Variants in MEOX2 observed in about 807,000 individuals in gnomAD.
MEOX2 encodes the protein homeobox protein MOX-2.
In MEOX2, 11 loss-of-function variants were observed where a neutral mutation model predicts 27.0. That is an observed-to-expected ratio of 0.41 (90% CI 0.26 to 0.68). The LOEUF (loss-of-function observed/expected upper bound fraction) is 0.68. Ranked by LOEUF, MEOX2 falls within the 30% of genes least tolerant of loss-of-function variation. The probability of loss-of-function intolerance (pLI) is 0.33; values close to 1 mark genes in which losing one functional copy is unlikely to be tolerated. For synonymous variants in MEOX2, 189 were observed against 155.4 expected (o/e 1.22, Z -1.61); for missense variants, 436 against 385.4 (o/e 1.13, Z -1.10).
chr7:15,654,861 ACTGT>A (rs1781793982), intron 1 of MEOX2, among the ~76,000 whole-genome samples: 1 of 151,492 alleles, frequency 6.6e-6, no homozygotes, highest in Non-Finnish European at 1.5e-5. Context: ...TGTTATACTG[ACTGT>A]CTGCTTTTGA....
intron 2 of MEOX2, among the ~76,000 whole-genome samples, chr7:15,615,938 A>C (rs2115353133): frequency 6.6e-6 from 1 of 151,966 alleles, no homozygotes; most frequent in South Asian, 2.1e-4. Context: ...TCAGTATAAA[A>C]CCTGTTATGG....
At chr7:15,637,673 C>T (rs1781502630) in intron 1 of MEOX2, among the ~76,000 whole-genome samples, 1 of 152,026 alleles carries the variant, frequency 6.6e-6, no homozygotes, top group South Asian at 2.1e-4. Context: ...AATTATAGCT[C>T]TATAACTTGT....
At chr7:15,636,645 T>G (rs1288708104) in intron 1 of MEOX2, among the ~76,000 whole-genome samples, 1 of 152,108 alleles carries the variant, frequency 6.6e-6, no homozygotes, top group Non-Finnish European at 1.5e-5. Flanking sequence ...AATTCAATTA[T>G]ACATGCCATA....
intron 2 of MEOX2, among the ~76,000 whole-genome samples, chr7:15,615,250 T>C (rs994112516): frequency 1.3e-5 from 2 of 152,100 alleles, no homozygotes; most frequent in Non-Finnish European, 2.9e-5. Context: ...ATGATAAAGT[T>C]GAGGTAAAGG....
At position 15,662,038 on chromosome 7, in the gene MEOX2, C is replaced by A. The variant is rs192785302; in HGVS notation, c.517+23848G>T. Among the ~76,000 whole-genome samples, 3 of 151,762 alleles carry A rather than the reference C, an allele frequency of 2.0e-5. No homozygotes were observed. The East Asian group carries it at 5.8e-4, about 30-fold the overall frequency. On this transcript the variant is annotated intron_variant, in intron 1 of 2. Transcript: ENST00000262041. ...ATCTGAAGCAAGTCCATCCTTACAC[C>A]CTGGAATTAAAATGAAAAAGATCAG...
intron 1 of MEOX2, among the ~76,000 whole-genome samples, chr7:15,646,686 G>A (rs765124524): frequency 2.0e-5 from 3 of 151,832 alleles, no homozygotes; most frequent in Non-Finnish European, 1.5e-5. Context: ...TCCATAATTC[G>A]TAATTACATT....
At chr7:15,627,636 T>C (rs1005276253) in intron 1 of MEOX2, among the ~76,000 whole-genome samples, 5 of 152,052 alleles carry the variant, frequency 3.3e-5, no homozygotes, top group Non-Finnish European at 5.9e-5. Flanking sequence ...TCAAATCTTA[T>C]AATGCAGTGT....
At chr7:15,671,821 C>T (rs1263627823) in intron 1 of MEOX2, among the ~76,000 whole-genome samples, 2 of 152,100 alleles carry the variant, frequency 1.3e-5, no homozygotes, top group Non-Finnish European at 2.9e-5. Flanking sequence ...CTTTGGGAGA[C>T]CACGAAGTGC....
At position 15,686,121 on chromosome 7, in the gene MEOX2, G is replaced by A; in HGVS notation, c.282C>T (p.Leu94=). 1.3e-6 allele frequency: 2 copies of A among 1,583,078 alleles called. No homozygotes were observed. Among genetic ancestry groups the A allele is most frequent in the Non-Finnish European group, 1.7e-6 (2 of 1,165,272 alleles). The change falls in exon 1 of 3, where the codon CTC becomes CTT. Residue 94 remains leucine (L), a synonymous_variant. Transcript: ENST00000262041. ...QHQALQTNWH[L]PQMSSPPSAA... ...CACTCGGTGGGGAAGACATCTGCGG[G>A]AGGTGCCAGTTGGTTTGCAGAGCCT...
At chr7:15,640,024 CATT>C (rs1365484618) in intron 1 of MEOX2, among the ~76,000 whole-genome samples, 2 of 152,012 alleles carry the variant, frequency 1.3e-5, no homozygotes. Flanking sequence ...TGAAAAATGA[CATT>C]AGTAGTTTAA....
At position 15,685,965 on chromosome 7, in the gene MEOX2, C is replaced by T. The variant is rs563305943; in HGVS notation, c.438G>A (p.Pro146=). The T allele has an allele frequency of 8.7e-6, 14 of 1,611,152 alleles. No homozygotes were observed. The highest frequency in any genetic ancestry group is 5.5e-5 in the South Asian group (5 of 91,022). The stretch of plus-strand genomic sequence containing the variant: ...ACAGTGCCTGGCGGCCGTAGTCCCC[C>T]GGCGCGCACGCGGCCCCAGTCGGGG... ...SSTPTGAACA[P]GDYGRQALSP... is the part of the protein sequence containing the mutation. Residue 146 remains proline (P), a synonymous_variant, in exon 1 of 3, where the codon CCG becomes CCA. Transcript: ENST00000262041.
chr7:15,686,585 T>C lies in MEOX2; in HGVS notation c.-183A>G, dbSNP rs975879035. 4.8e-6 allele frequency: 3 copies of C among 619,002 alleles called. No individual in the cohort carries two copies. The highest frequency in any genetic ancestry group is 2.1e-5 in the South Asian group (1 of 47,878). 38.3% of individuals were successfully genotyped at this position (619,002 alleles called of 1,614,324 possible). A position where few individuals can be genotyped will look rare whatever the true frequency, so the allele number is the denominator to read the frequency against. ...GCCCCAGCGGCCAGTCTCCTTTACA[T>C]ATGAACAGTCGGACCTGGAAGAGCT... On this transcript the variant is annotated 5_prime_UTR_variant, in exon 1 of 3. In the 5' UTR this introduces an upstream ATG that the reference lacks. Coordinates refer to ENST00000262041, the MANE Select transcript of MEOX2 (RefSeq NM_005924.5).
At chr7:15,630,949 C>G (rs942601575) in intron 1 of MEOX2, among the ~76,000 whole-genome samples, 11 of 151,900 alleles carry the variant, frequency 7.2e-5, no homozygotes, top group African/African-American at 2.7e-4. Flanking sequence ...CTTAAATCCT[C>G]TTGCCAATCC....
intron 1 of MEOX2, among the ~76,000 whole-genome samples, chr7:15,655,694 A>G (rs1321444197): frequency 6.6e-6 from 1 of 151,656 alleles, no homozygotes; most frequent in African/African-American, 2.4e-5. Flanking sequence ...TTCTAGTTTA[A>G]TTTCAATTTG....
intron 1 of MEOX2, among the ~76,000 whole-genome samples, chr7:15,639,595 G>C (rs1411203662): frequency 2.0e-5 from 3 of 151,658 alleles, no homozygotes; most frequent in Non-Finnish European, 2.9e-5. Flanking sequence ...TTATAGTTTT[G>C]GGTCTTATGT....
intron 1 of MEOX2, among the ~76,000 whole-genome samples, chr7:15,629,975 C>T (rs1250725990): frequency 6.6e-6 from 1 of 152,018 alleles, no homozygotes; most frequent in Non-Finnish European, 1.5e-5. Context: ...CTCCCATATC[C>T]TATGCCAAAT....
At chr7:15,645,981 C>T (rs867980782) in intron 1 of MEOX2, among the ~76,000 whole-genome samples, 6 of 151,968 alleles carry the variant, frequency 3.9e-5, no homozygotes, top group African/African-American at 1.4e-4. Context: ...TAAGTAGATG[C>T]CTAATACTCA....
chr7:15,644,160 G>C (rs1023226127), intron 1 of MEOX2, among the ~76,000 whole-genome samples: 7 of 152,096 alleles, frequency 4.6e-5, no homozygotes, highest in Non-Finnish European at 1.0e-4. Context: ...CAGGATGAGG[G>C]CCTTGGGCGA....
At chr7:15,627,040 G>T (rs944447392) in intron 1 of MEOX2, 122 bp from the exon 2 acceptor site, 52 of 881,242 alleles carry the variant, frequency 5.9e-5, no homozygotes, top group Middle Eastern at 3.2e-4. Context: ...AACAAATAGA[G>T]ACCAAAGACA....
Sources: gnomAD v4.1 joint callset for allele counts (sites outside exome capture counted in the v4.1 genomes callset) on GRCh38, gnomAD v4.1.1 for gene constraint, MANE v1.5 for transcripts, NCBI Gene and HGNC (gene_info 2026-07-23, HGNC 2026-07-21) for gene names.